The following RSPH14 variants were observed in gnomAD, a reference collection of about 807,000 sequenced individuals.
RSPH14 encodes radial spoke head 14 homolog, also known as rhabdoid tumor deletion region gene 1.
A neutral mutation model predicts 26.7 loss-of-function variants in RSPH14; 20 were observed. The ratio of observed to expected loss-of-function variants is 0.75; its 90% confidence interval spans 0.53 to 1.09. The LOEUF is 1.09. RSPH14 is among the 50% of genes least tolerant of loss of function. The pLI is 0.00. For missense variants in RSPH14, 449 were observed against 457.2 expected, an observed-to-expected ratio of 0.98 and a Z score of 0.16; for synonymous variants, 177 against 189.3, an observed-to-expected ratio of 0.93 and a Z score of 0.53.
chr22:23,107,758 A>T (rs1044303331), intron 4 of RSPH14, among the ~76,000 whole-genome samples: 1 of 152,156 alleles, frequency 6.6e-6, no homozygotes, highest in African/African-American at 2.4e-5. Context: ...TCAAACCCAC[A>T]TTTTCATTCA....
the RSPH14 span, among the ~76,000 whole-genome samples, chr22:23,157,734 C>T: frequency 1.3e-5 from 2 of 152,218 alleles, no homozygotes; most frequent in Non-Finnish European, 2.9e-5. Context: ...AAAGCCCATG[C>T]GCTCGCTCCA....
At chr22:23,106,126 T>C (rs1434813089) in intron 4 of RSPH14, among the ~76,000 whole-genome samples, 1 of 152,202 alleles carries the variant, frequency 6.6e-6, no homozygotes, top group African/African-American at 2.4e-5. Context: ...CATATCACAC[T>C]TACCCTGGGG....
intron 4 of RSPH14, among the ~76,000 whole-genome samples, chr22:23,080,425 G>A (rs547693077): frequency 5.8e-4 from 89 of 152,214 alleles, no homozygotes; most frequent in Non-Finnish European, 1.1e-3. Flanking sequence ...AGGCCCAGCC[G>A]GGGCATAGCC....
chr22:23,143,379 T>C (rs961677803), upstream of RSPH14, among the ~76,000 whole-genome samples: 1 of 152,090 alleles, frequency 6.6e-6, no homozygotes, highest in Non-Finnish European at 1.5e-5. Flanking sequence ...ACAGATATGC[T>C]TCTTTCTGCA....
intron 3 of RSPH14, among the ~76,000 whole-genome samples, chr22:23,135,718 T>TTCA (rs2070466106): frequency 6.6e-6 from 1 of 152,068 alleles, no homozygotes; most frequent in Non-Finnish European, 1.5e-5. Context: ...CACATGGGGA[T>TTCA]TGATGAATGC....
intron 4 of RSPH14, among the ~76,000 whole-genome samples, chr22:23,085,198 C>G (rs1385605398): frequency 1.3e-5 from 2 of 152,310 alleles, no homozygotes; most frequent in Non-Finnish European, 2.9e-5. Flanking sequence ...ATGTCCTCAG[C>G]GATTCCTCAC....
chr22:23,109,895 C>G (rs2069597908), intron 4 of RSPH14, among the ~76,000 whole-genome samples: 1 of 152,224 alleles, frequency 6.6e-6, no homozygotes, highest in Non-Finnish European at 1.5e-5. Flanking sequence ...GTTCCTGAGG[C>G]TGGCCGTCAG....
chr22:23,179,695 G>T, the RSPH14 span: 4 of 165,048 alleles, frequency 2.4e-5, no homozygotes, highest in Non-Finnish European at 5.2e-5. Context: ...ATGTGGTCCT[G>T]CTGTGACAAA....
the RSPH14 span, chr22:23,157,945 C>T: frequency 3.7e-6 from 6 of 1,611,958 alleles, no homozygotes; most frequent in African/African-American, 2.7e-5. Context: ...CCCCCTTGCT[C>T]GCCTCGCCTG....
At chr22:23,155,470 T>C in the RSPH14 span, among the ~76,000 whole-genome samples, 1 of 152,174 alleles carries the variant, frequency 6.6e-6, no homozygotes, top group Non-Finnish European at 1.5e-5. Flanking sequence ...ATTGCTCCAG[T>C]GTTAGGTATC....
At chr22:23,169,916 T>C in the RSPH14 span, among the ~76,000 whole-genome samples, 30 of 151,840 alleles carry the variant, frequency 2.0e-4, no homozygotes, top group African/African-American at 7.3e-4. Context: ...CAGGGCAACA[T>C]GGCAAAACTG....
chr22:23,101,382 G>A (rs2069299981), intron 4 of RSPH14, among the ~76,000 whole-genome samples: 1 of 152,190 alleles, frequency 6.6e-6, no homozygotes, highest in African/African-American at 2.4e-5. Context: ...GGTATAGACT[G>A]GGTTCCACCC....
the RSPH14 span, chr22:23,162,533 T>TCTAGCATGTTCCTGTCTCCAACA: frequency 4.7e-6 from 2 of 425,890 alleles, no homozygotes; most frequent in Non-Finnish European, 9.6e-6. Flanking sequence ...CCCTGCCAAG[T>TCTAGCATGTTCCTGTCTCCAACA]CTAGCATGTT....
the RSPH14 span, among the ~76,000 whole-genome samples, chr22:23,174,636 G>A: frequency 6.6e-6 from 1 of 150,726 alleles, no homozygotes; most frequent in Admixed American, 6.6e-5. Flanking sequence ...CTCCTTATGC[G>A]CAGTTTATGA....
chr22:23,079,166 C>G (rs1037349478), intron 4 of RSPH14, among the ~76,000 whole-genome samples: 2 of 152,228 alleles, frequency 1.3e-5, no homozygotes, highest in Non-Finnish European at 2.9e-5. Context: ...GATAAACACT[C>G]TAAGTAAATT....
chr22:23,178,686 G>A, the RSPH14 span, among the ~76,000 whole-genome samples: 4 of 152,200 alleles, frequency 2.6e-5, no homozygotes, highest in Non-Finnish European at 5.9e-5. Context: ...GGTTTTCCAG[G>A]GCAGGAATGT....
intron 4 of RSPH14, among the ~76,000 whole-genome samples, chr22:23,075,381 T>A (rs1425902016): frequency 2.6e-5 from 4 of 152,210 alleles, no homozygotes; most frequent in Admixed American, 2.0e-4. Context: ...TCTTGCCCCT[T>A]GGTCTGTGGA....
At chr22:23,141,192 G>A (rs2070594098) in intron 1 of RSPH14, among the ~76,000 whole-genome samples, 2 of 152,130 alleles carry the variant, frequency 1.3e-5, no homozygotes, top group Non-Finnish European at 2.9e-5. Context: ...AGCTGGGCGT[G>A]ATGGCGCATG....
At chr22:23,101,794 GC>G (rs1316303488) in intron 4 of RSPH14, among the ~76,000 whole-genome samples, 5 of 152,186 alleles carry the variant, frequency 3.3e-5, no homozygotes. Flanking sequence ...GGACTGGACA[GC>G]CCCCATGGCA....
Sources: gnomAD v4.1 joint callset for allele counts (sites outside exome capture counted in the v4.1 genomes callset) on GRCh38, gnomAD v4.1.1 for gene constraint, MANE v1.5 for transcripts, NCBI Gene and HGNC (gene_info 2026-07-23, HGNC 2026-07-21) for gene names.